Variants in RIPOR2 observed in about 807,000 individuals in gnomAD.
The protein encoded by RIPOR2 is RHO family interacting cell polarization regulator 2, also known as rho family-interacting cell polarization regulator 2.
RIPOR2 carries 39 observed loss-of-function variants against 114.5 expected under a neutral mutation model. The observed-to-expected ratio is 0.34, with a 90% CI of 0.26 to 0.44. The LOEUF (loss-of-function observed/expected upper bound fraction) is 0.44, where lower values mean the gene tolerates loss of function less well. Ranked by LOEUF, RIPOR2 falls within the 20% of genes least tolerant of loss-of-function variation. The probability of loss-of-function intolerance (pLI) is 1.00; values close to 1 mark genes in which losing one functional copy is unlikely to be tolerated. For synonymous variants in RIPOR2, 445 were observed against 484.4 expected (o/e 0.92, Z 1.07); for missense variants, 1,007 against 1,255.1 (o/e 0.80, Z 2.99).
At chr6:24,952,030 G>A (rs1204816671) in intron 1 of RIPOR2, among the ~76,000 whole-genome samples, 1 of 152,186 alleles carries the variant, frequency 6.6e-6, no homozygotes, top group Non-Finnish European at 1.5e-5. Flanking sequence ...GAATGAACCA[G>A]AATGTAAAAT....
intron 1 of RIPOR2, among the ~76,000 whole-genome samples, chr6:24,954,184 C>T (rs966442169): frequency 6.6e-6 from 1 of 152,204 alleles, no homozygotes; most frequent in Admixed American, 6.5e-5. Context: ...AACAGAAGCA[C>T]CTGAGGATGC....
At position 24,870,908 on chromosome 6, in the gene RIPOR2, T is replaced by C; in HGVS notation, c.424-19A>G. Reference sequence around the variant, plus strand: ...GTACACCCTACAATAAAAAAAGGAATATCTGCATTTAAACATTATCCTTCA... The same window carrying C: ...GTACACCCTACAATAAAAAAAGGAACATCTGCATTTAAACATTATCCTTCA... On this transcript the variant is annotated intron_variant, in intron 4 of 21. Coordinates refer to ENST00000643898, the MANE Select transcript of RIPOR2 (RefSeq NM_001286445.3). The C allele has an allele frequency of 6.4e-7, 1 of 1,551,450 alleles. No individual in the cohort carries two copies. The highest frequency in any genetic ancestry group is 8.8e-7 in the Non-Finnish European group (1 of 1,137,950).
chr6:24,858,221 A>G lies in RIPOR2; in HGVS notation c.715+2752T>C, dbSNP rs1763682492. On this transcript the variant is annotated intron_variant, in intron 8 of 21. Transcript: ENST00000643898. This position sits in a 1 kb window ranked among gnomAD's most constrained non-coding sequence, Gnocchi z 4.0. ...TTCTCTGGTAGACCATGTGGAACTCAAGGCCAGGGAGCAGTCATCAGAATG... is the reference window on the plus strand; with the variant it reads ...TTCTCTGGTAGACCATGTGGAACTCGAGGCCAGGGAGCAGTCATCAGAATG... Among the ~76,000 whole-genome samples the G allele has an allele frequency of 6.6e-6, 1 of 152,198 alleles. No individual in the cohort carries two copies. Among genetic ancestry groups the G allele is most frequent in the Non-Finnish European group, 1.5e-5 (1 of 68,032 alleles).
chr6:24,819,824 A>C (rs6911302), intron 19 of RIPOR2, among the ~76,000 whole-genome samples: 69,082 of 151,048 alleles, frequency 0.46, 16,794 homozygotes, highest in Non-Finnish European at 0.55. Context: ...TTACCAAGCT[A>C]ATTTCTTCCT....
chr6:24,877,215 G>T, intron 1 of RIPOR2: 1 of 985,454 alleles, frequency 1.0e-6, no homozygotes, highest in Non-Finnish European at 1.2e-6. Context: ...AAGCAGCTCA[G>T]CAAGGAAGGC....
intron 1 of RIPOR2, among the ~76,000 whole-genome samples, chr6:24,987,865 T>C (rs1335424543): frequency 2.0e-5 from 3 of 152,180 alleles, no homozygotes; most frequent in South Asian, 2.1e-4. Context: ...ATGCCGATAA[T>C]AAAAAATAAA....
Position 24,843,449 on chromosome 6 carries a change from A to T in RIPOR2, c.1270T>A (p.Ser424Thr), listed in dbSNP as rs372911808. The stretch of plus-strand genomic sequence containing the variant: ...TTGGAAGGGGAGCCTGTTGAGTGGG[A>T]GGTGAGGGCGCAGTCCCCGTTGGGC... ...DLPNGDCALT[S>T]HSTGSPSNST... is the part of the protein sequence containing the mutation. Residue 424 changes from serine to threonine, a missense_variant, in exon 13 of 22, where the codon TCC becomes ACC. Physicochemically the swap from Ser to Thr is moderately conservative, Grantham distance 58. Coordinates refer to ENST00000643898, the MANE Select transcript of RIPOR2 (RefSeq NM_001286445.3). 38 of 1,611,316 alleles carry T rather than the reference A, an allele frequency of 2.4e-5. No homozygotes were observed. Among genetic ancestry groups the T allele is most frequent in the Middle Eastern group, 1.6e-4 (1 of 6,074 alleles).
rs1336387711 is a variant in RIPOR2 at position 24,809,825 on chromosome 6, G to A, written c.2953-18C>T. ...TCAGTAGCCTATGGGGGAAAAATAG[G>A]TTAAATCGTGTTTTGACATTTAGGT... On this transcript the variant is annotated intron_variant, in intron 20 of 21. Coordinates refer to ENST00000643898, the MANE Select transcript of RIPOR2 (RefSeq NM_001286445.3). 1 of 1,476,340 alleles carries A rather than the reference G, an allele frequency of 6.8e-7. No individual in the cohort carries two copies. Among genetic ancestry groups the A allele is most frequent in the South Asian group, 1.2e-5 (1 of 82,528 alleles). 91.5% of individuals were successfully genotyped at this position (1,476,340 alleles called of 1,614,324 possible). A position where few individuals can be genotyped will look rare whatever the true frequency, so the allele number is the denominator to read the frequency against.
At chr6:24,852,256 C>A (rs1380721979) in intron 9 of RIPOR2, among the ~76,000 whole-genome samples, 1 of 151,392 alleles carries the variant, frequency 6.6e-6, no homozygotes, top group Non-Finnish European at 1.5e-5. Flanking sequence ...AGCGAGACTC[C>A]ATCTCAAAAT....
intron 1 of RIPOR2, among the ~76,000 whole-genome samples, chr6:24,927,207 C>T (rs1770974936): frequency 1.4e-5 from 2 of 144,376 alleles, no homozygotes; most frequent in Admixed American, 7.3e-5. Flanking sequence ...CTACAAGCAC[C>T]ACCACCACCA....
intron 1 of RIPOR2, among the ~76,000 whole-genome samples, chr6:24,941,830 C>T (rs1256108908): frequency 3.9e-5 from 6 of 152,114 alleles, no homozygotes; most frequent in East Asian, 1.9e-4. Context: ...CCCCTCCTCC[C>T]CTTTTTTTAA....
Position 24,848,178 on chromosome 6 carries a change from T to C in RIPOR2, c.1035-24A>G, listed in dbSNP as rs145214231. 4 of 1,610,930 alleles carry C rather than the reference T, an allele frequency of 2.5e-6. No homozygotes were observed. In the African/African-American group the frequency reaches 5.3e-5, roughly 22 times the overall value. On this transcript the variant is annotated intron_variant, in intron 11 of 21. Transcript: ENST00000643898. ...GACTGCAAAACAACAGGTCCCCAGG[T>C]ATGCACATTTGGCAAAATCACCTAT...
intron 2 of RIPOR2, among the ~76,000 whole-genome samples, chr6:24,874,882 A>T (rs1765564047): frequency 6.6e-6 from 1 of 152,234 alleles, no homozygotes; most frequent in East Asian, 1.9e-4. Context: ...ATAACTTATA[A>T]AATTTCAACA....
At chr6:24,874,238 A>G (rs1024511209) in intron 2 of RIPOR2, among the ~76,000 whole-genome samples, 1 of 152,038 alleles carries the variant, frequency 6.6e-6, no homozygotes. Context: ...GCTTCAGGCA[A>G]TCCTCCTGCT....
chr6:24,818,146 A>G (rs1759332015), intron 20 of RIPOR2, among the ~76,000 whole-genome samples: 1 of 151,862 alleles, frequency 6.6e-6, no homozygotes, highest in African/African-American at 2.4e-5. Context: ...GTATTTTTGT[A>G]GAGATGAGGT....
intron 1 of RIPOR2, among the ~76,000 whole-genome samples, chr6:24,899,706 C>T (rs889338476): frequency 3.3e-5 from 5 of 152,290 alleles, no homozygotes; most frequent in East Asian, 3.9e-4. Context: ...CATGTGGGCA[C>T]GGATCAGACA....
Position 24,848,051 on chromosome 6 carries a change from G to A in RIPOR2, c.1138C>T (p.Pro380Ser), listed in dbSNP as rs1196561395. 1 of 1,613,932 alleles carries A rather than the reference G, an allele frequency of 6.2e-7. No homozygotes were observed. Among genetic ancestry groups the A allele is most frequent in the East Asian group, 2.2e-5 (1 of 44,876 alleles). The change falls in exon 12 of 22, where the codon CCC becomes TCC. Residue 380 changes from proline (P) to serine (S), a missense_variant. Coordinates refer to ENST00000643898, the MANE Select transcript of RIPOR2 (RefSeq NM_001286445.3). ...AAGAAGGAGTGGTCTTTGAAGGTGG[G>A]CGTTTCCGGGGTACCCTGGCTGTAC... is the stretch of plus-strand genomic sequence containing the variant. ...SMYSQGTPET[P>S]TFKDHSFFSN...
chr6:25,013,673 T>C (rs1278016301), intron 1 of RIPOR2, among the ~76,000 whole-genome samples: 1 of 152,226 alleles, frequency 6.6e-6, no homozygotes, highest in Non-Finnish European at 1.5e-5. Flanking sequence ...ATCTGTGGGC[T>C]GATATACTAC....
At chr6:25,022,319 T>C (rs1776359323) in intron 1 of RIPOR2, among the ~76,000 whole-genome samples, 1 of 152,140 alleles carries the variant, frequency 6.6e-6, no homozygotes, top group South Asian at 2.1e-4. Flanking sequence ...AGTGGTATCA[T>C]ACAGTATGTA....
Sources: gnomAD v4.1 joint callset for allele counts (sites outside exome capture counted in the v4.1 genomes callset) on GRCh38, gnomAD v4.1.1 for gene constraint, Gnocchi (gnomAD v3.1) non-coding constraint, MANE v1.5 for transcripts, NCBI Gene and HGNC (gene_info 2026-07-23, HGNC 2026-07-21) for gene names.